Variants in ABHD16A observed in about 807,000 individuals in gnomAD.
ABHD16A encodes abhydrolase domain containing 16A, phospholipase, also known as phosphatidylserine lipase ABHD16A.
In ABHD16A, 47 loss-of-function variants were observed where a neutral mutation model predicts 89.8. That is an observed-to-expected ratio of 0.52 (90% CI 0.41 to 0.67). The LOEUF is 0.67. ABHD16A is among the 30% of genes least tolerant of loss of function. ABHD16A has a pLI of 0.00. For missense variants in ABHD16A, 580 were observed against 734.6 expected (o/e 0.79, Z 2.43); for synonymous variants, 251 against 280.4 (o/e 0.90, Z 1.05).
rs1291604815 is a variant in ABHD16A at position 31,695,893 on chromosome 6, C to T, written c.429+1055G>A. Among the ~76,000 whole-genome samples, 7 of 151,682 alleles carry T rather than the reference C, an allele frequency of 4.6e-5. No homozygotes were observed. The East Asian group carries it at 9.7e-4, about 21-fold the overall frequency. ...TAAAAATACAAAAATTGGCCAGGCACGGTGGCTCACGCCTGTAATCCCAGC... is the reference window on the plus strand; with the variant it reads ...TAAAAATACAAAAATTGGCCAGGCATGGTGGCTCACGCCTGTAATCCCAGC... On this transcript the variant is annotated intron_variant, in intron 5 of 19. Transcript: ENST00000395952.
intron 1 of ABHD16A, 88 bp from the exon 2 acceptor site, chr6:31,702,218 G>T: frequency 7.7e-7 from 1 of 1,299,034 alleles, no homozygotes; most frequent in Non-Finnish European, 1.1e-6. Context: ...GTGTCCTCTG[G>T]TTCTAGTCTC....
chr6:31,696,926 C>T (rs1280977055), intron 5 of ABHD16A, 22 bp downstream of exon 5: 1 of 1,606,084 alleles, frequency 6.2e-7, no homozygotes, highest in South Asian at 1.1e-5. Flanking sequence ...GCCTGTGTGG[C>T]ACTTTTCCTA....
At chr6:31,694,686 C>T (rs805278) in intron 5 of ABHD16A, among the ~76,000 whole-genome samples, 21,803 of 151,986 alleles carry the variant, frequency 0.14, 2,700 homozygotes, top group African/African-American at 0.33. Flanking sequence ...CCACCGCGCC[C>T]GGCCTAGCTG....
chr6:31,702,966 A>T, intron 1 of ABHD16A, 184 bp downstream of exon 1: 1 of 1,321,912 alleles, frequency 7.6e-7, no homozygotes, highest in South Asian at 2.2e-5. Context: ...AGCGAAAAAG[A>T]AAGGAGGCGG....
Position 31,690,677 on chromosome 6 carries a change from G to T in ABHD16A, c.844-75C>A. 1 of 1,357,220 alleles carries T rather than the reference G, an allele frequency of 7.4e-7. No individual in the cohort carries two copies. 84.1% of individuals were successfully genotyped at this position (1,357,220 alleles called of 1,614,324 possible). A position where few individuals can be genotyped will look rare whatever the true frequency, so the allele number is the denominator to read the frequency against. On this transcript the variant is annotated intron_variant, in intron 9 of 19. Transcript: ENST00000395952. The surrounding 1 kb of genome is among the most constrained non-coding windows in gnomAD (Gnocchi z 4.1). The stretch of plus-strand genomic sequence containing the variant: ...AAACTCCCTTTGGGCAGGGAGGGCA[G>T]CCCATGAAGAGCTTTGCAGGGAAGA...
chr6:31,702,755 G>C (rs753877948), intron 1 of ABHD16A: 8 of 1,517,786 alleles, frequency 5.3e-6, no homozygotes, highest in Non-Finnish European at 7.1e-6. Context: ...TAAAAACAGA[G>C]CCGGGGGAGG....
rs1803367675 is a variant in ABHD16A at position 31,687,152 on chromosome 6, G to A, written c.*60C>T. 14 of 1,466,108 alleles carry A rather than the reference G, an allele frequency of 9.5e-6. No homozygotes were observed. Among genetic ancestry groups the A allele is most frequent in the Non-Finnish European group, 1.3e-5 (14 of 1,059,316 alleles). 90.8% of individuals were successfully genotyped at this position (1,466,108 alleles called of 1,614,324 possible). A position where few individuals can be genotyped will look rare whatever the true frequency, so the allele number is the denominator to read the frequency against. On this transcript the variant is annotated 3_prime_UTR_variant, in exon 20 of 20. Transcript: ENST00000395952. The surrounding 1 kb of genome is among the most constrained non-coding windows in gnomAD (Gnocchi z 6.3). ...CATGAACACAGAGAATCACAAATAA[G>A]AGGGTCTTTCCTCATGTCTCCTCTC...
intron 7 of ABHD16A, chr6:31,692,697 C>A: frequency 2.5e-6 from 1 of 406,444 alleles, no homozygotes. Flanking sequence ...ACGATGGGTA[C>A]ACAGATGCTA....
Position 31,702,070 on chromosome 6 carries a change from A to G in ABHD16A, c.189+4T>C. 1 of 1,613,112 alleles carries G rather than the reference A, an allele frequency of 6.2e-7. No homozygotes were observed. Among genetic ancestry groups the G allele is most frequent in the Non-Finnish European group, 8.5e-7 (1 of 1,180,038 alleles). On this transcript the variant is annotated splice_donor_region_variant and intron_variant, in intron 2 of 19. Coordinates refer to ENST00000395952, the MANE Select transcript of ABHD16A (RefSeq NM_021160.3). ...CAGAGTCCCAGATGCCAGGGTAGAC[A>G]TACCAGTGCCAGGATGCTGTCAGCA...
rs939539564 is a variant in ABHD16A at position 31,698,701 on chromosome 6, A to T, written c.344-1668T>A. ...TAAAAATAAATAAAATAAAAAACTA[A>T]GACAAAACTGAGCAGTGGGAGCTAC... is the stretch of plus-strand genomic sequence containing the variant. On this transcript the variant is annotated intron_variant, in intron 4 of 19. Transcript: ENST00000395952. The surrounding 1 kb of genome is among the most constrained non-coding windows in gnomAD (Gnocchi z 4.1). Among the ~76,000 whole-genome samples the T allele has an allele frequency of 6.6e-6, 1 of 152,110 alleles. No homozygotes were observed. Among genetic ancestry groups the T allele is most frequent in the Non-Finnish European group, 1.5e-5 (1 of 68,024 alleles).
At chr6:31,691,037 G>A (rs1803826373) in intron 9 of ABHD16A, among the ~76,000 whole-genome samples, 1 of 152,092 alleles carries the variant, frequency 6.6e-6, no homozygotes, top group African/African-American at 2.4e-5. Flanking sequence ...CCCACGAATG[G>A]TGGGATTTGC....
chr6:31,693,440 G>A lies in ABHD16A; in HGVS notation c.430-8C>T, dbSNP rs771213460. On this transcript the variant is annotated splice_region_variant and splice_polypyrimidine_tract_variant and intron_variant, in intron 5 of 19. Transcript: ENST00000395952. The surrounding 1 kb of genome is among the most constrained non-coding windows in gnomAD (Gnocchi z 5.0). Reference sequence around the variant, plus strand: ...GTAGTTGGCAAGCTGCCTCTGCAGTGGGCACGAGAGGCAAAGGGGTACTGA... The same window carrying A: ...GTAGTTGGCAAGCTGCCTCTGCAGTAGGCACGAGAGGCAAAGGGGTACTGA... The A allele has an allele frequency of 1.2e-6, 2 of 1,612,772 alleles. No homozygotes were observed. The highest frequency in any genetic ancestry group is 2.2e-5 in the South Asian group (2 of 91,078).
At chr6:31,692,903 A>C in intron 7 of ABHD16A, 124 bp downstream of exon 7, 6 of 1,357,878 alleles carry the variant, frequency 4.4e-6, no homozygotes, top group Non-Finnish European at 2.1e-6. Context: ...TAAATGATCT[A>C]CACAAACCAT....
Position 31,693,005 on chromosome 6 carries a change from T to C in ABHD16A, c.626+22A>G. ...AATGGCCCCTCCACCCCAGTGGGCC[T>C]CTCCTCGCTGCTGTTTCCCACCTGG... is the stretch of plus-strand genomic sequence containing the variant. On this transcript the variant is annotated intron_variant, in intron 7 of 19. Coordinates refer to ENST00000395952, the MANE Select transcript of ABHD16A (RefSeq NM_021160.3). This position sits in a 1 kb window ranked among gnomAD's most constrained non-coding sequence, Gnocchi z 5.0. 6.2e-7 allele frequency: 1 copy of C among 1,614,146 alleles called. No individual in the cohort carries two copies. Among genetic ancestry groups the C allele is most frequent in the Non-Finnish European group, 8.5e-7 (1 of 1,180,028 alleles).
chr6:31,690,369 G>A lies in ABHD16A; in HGVS notation c.907+170C>T, dbSNP rs1803753291. On this transcript the variant is annotated intron_variant, in intron 10 of 19. Coordinates refer to ENST00000395952, the MANE Select transcript of ABHD16A (RefSeq NM_021160.3). The surrounding 1 kb of genome is among the most constrained non-coding windows in gnomAD (Gnocchi z 4.1). ...ATAATAGCTAGGGACACAGGCCAGG[G>A]GAGGGATGTAAGGTTATCAAAGCAA... The A allele has an allele frequency of 4.0e-6, 3 of 745,238 alleles. No homozygotes were observed. Among genetic ancestry groups the A allele is most frequent in the Middle Eastern group, 4.7e-4 (2 of 4,220 alleles). 46.2% of individuals were successfully genotyped at this position (745,238 alleles called of 1,614,324 possible).
intron 12 of ABHD16A, among the ~76,000 whole-genome samples, 190 bp downstream of exon 12, chr6:31,689,391 C>T (rs1247024185): frequency 6.6e-6 from 1 of 152,156 alleles, no homozygotes; most frequent in African/African-American, 2.4e-5. Context: ...CTTTTAATGA[C>T]TGGGCACAAG....
Position 31,691,867 on chromosome 6 carries a change from C to T in ABHD16A, c.678G>A (p.Val226=). The T allele has an allele frequency of 6.2e-7, 1 of 1,611,590 alleles. No individual in the cohort carries two copies. The highest frequency in any genetic ancestry group is 8.5e-7 in the Non-Finnish European group (1 of 1,179,802). Reference sequence around the variant, plus strand: ...GCATGAGGGCCTTCTGCAGCAGGTACACAGAGCCTGGATACAGCATCCGGC... The same window carrying T: ...GCATGAGGGCCTTCTGCAGCAGGTATACAGAGCCTGGATACAGCATCCGGC... ...LGRRMLYPGS[V]YLLQKALMPV... Residue 226 remains valine, a synonymous_variant, in exon 8 of 20, where the codon GTG becomes GTA. Coordinates refer to ENST00000395952, the MANE Select transcript of ABHD16A (RefSeq NM_021160.3).
chr6:31,701,663 A>G (rs925083772), intron 2 of ABHD16A, among the ~76,000 whole-genome samples: 3 of 152,144 alleles, frequency 2.0e-5, no homozygotes, highest in African/African-American at 4.8e-5. Context: ...AGCCTTTTCA[A>G]TTGGCCCTGC....
chr6:31,689,569 G>A lies in ABHD16A; in HGVS notation c.1081+12C>T, dbSNP rs754453503. On this transcript the variant is annotated intron_variant, in intron 12 of 19. Coordinates refer to ENST00000395952, the MANE Select transcript of ABHD16A (RefSeq NM_021160.3). Reference sequence around the variant, plus strand: ...ATGTGTCTACAGTGGGGGATGGGAGGGAGGCTGGTACCAGTGAAGCCGCCG... The same window carrying A: ...ATGTGTCTACAGTGGGGGATGGGAGAGAGGCTGGTACCAGTGAAGCCGCCG... 1.8e-5 allele frequency: 28 copies of A among 1,576,164 alleles called. No individual in the cohort carries two copies. The highest frequency in any genetic ancestry group is 2.3e-5 in the South Asian group (2 of 86,252).
Sources: allele counts gnomAD v4.1 joint callset (sites outside exome capture counted in the v4.1 genomes callset), GRCh38; gene constraint gnomAD v4.1.1; non-coding constraint Gnocchi (gnomAD v3.1); transcripts MANE v1.5; gene names NCBI Gene and HGNC (gene_info 2026-07-23, HGNC 2026-07-21).